Variants in WWTR1 observed in about 807,000 individuals in gnomAD.
WWTR1 encodes the protein WW domain containing transcription regulator 1.
WWTR1 carries 13 observed loss-of-function variants against 40.1 expected under a neutral mutation model. The ratio of observed to expected loss-of-function variants is 0.32; its 90% CI spans 0.21 to 0.52. The LOEUF (loss-of-function observed/expected upper bound fraction) is 0.52. WWTR1 is among the 20% of genes least tolerant of loss of function. WWTR1 has a pLI of 0.97. For synonymous variants in WWTR1, 230 were observed against 210.1 expected (o/e 1.09, Z -0.82); for missense variants, 436 against 523.1 (o/e 0.83, Z 1.63).
At chr3:149,675,685 T>A (rs1714236830) in intron 1 of WWTR1, among the ~76,000 whole-genome samples, 2 of 151,930 alleles carry the variant, frequency 1.3e-5, no homozygotes, top group Admixed American at 6.6e-5. Context: ...AACATGGAAG[T>A]GGAGTGAAGG....
rs1735210111 is a variant in WWTR1, at chr3:149,524,669, CA to C, written c.1018+1343del. ...TTCTCAATGCAAAGATGACAACCTACACGAAAGACGCCAGGGGAGCAGCTTT... is the reference window on the plus strand; with the variant it reads ...TTCTCAATGCAAAGATGACAACCTACCGAAAGACGCCAGGGGAGCAGCTTT... On this transcript the variant is annotated intron_variant, in intron 6 of 6. Coordinates refer to ENST00000360632, the MANE Select transcript of WWTR1 (RefSeq NM_015472.6). Among the ~76,000 whole-genome samples the C allele has an allele frequency of 2.0e-5, 3 of 152,192 alleles. No homozygotes were observed. In the South Asian group the frequency reaches 6.2e-4, roughly 31 times the overall value.
At chr3:149,660,381 G>C (rs1251191239), upstream of WWTR1, 2 of 152,230 alleles carry the variant, frequency 1.3e-5, no homozygotes, top group Admixed American at 6.5e-5. Context: ...GGATGGGCAA[G>C]GATGCAGTCT....
rs187952281 is a variant in WWTR1 at position 149,673,218 on chromosome 3, A to T, written c.-107-3327T>A. On this transcript the variant is annotated intron_variant, in intron 1 of 7. Transcript: ENST00000465804. Reference sequence around the variant, plus strand: ...TAGTGAGACCCTGTCTCTGTTTTTTAAAAAAAATAAAAATTAAAAATCAGT... The same window carrying T: ...TAGTGAGACCCTGTCTCTGTTTTTTTAAAAAAATAAAAATTAAAAATCAGT... Among the ~76,000 whole-genome samples the T allele has an allele frequency of 4.4e-3, 668 of 152,058 alleles. 6 individuals carry two copies. Among genetic ancestry groups the T allele is most frequent in the African/African-American group, 0.015 (616 of 41,482 alleles).
intron 1 of WWTR1, among the ~76,000 whole-genome samples, chr3:149,688,311 C>T (rs1268288692): frequency 1.3e-5 from 2 of 152,044 alleles, no homozygotes; most frequent in African/African-American, 4.8e-5. Flanking sequence ...CAATAATTGA[C>T]ACAGGCCTTG....
chr3:149,676,743 T>C (rs978990713), intron 1 of WWTR1, among the ~76,000 whole-genome samples: 2 of 152,028 alleles, frequency 1.3e-5, no homozygotes, highest in Non-Finnish European at 2.9e-5. Flanking sequence ...CACCACTGAC[T>C]TTTTAAGGGA....
intron 2 of WWTR1, among the ~76,000 whole-genome samples, chr3:149,637,594 A>C (rs1711908679): frequency 6.6e-6 from 1 of 152,172 alleles, no homozygotes; most frequent in South Asian, 2.1e-4. Context: ...CTAGGCATGA[A>C]GGACAATACA....
intron 2 of WWTR1, among the ~76,000 whole-genome samples, chr3:149,655,844 T>C (rs59673549): frequency 0.069 from 10,544 of 152,246 alleles, 398 homozygotes; most frequent in East Asian, 0.12. Context: ...AAATTGTACA[T>C]AGTGTCTTCA....
intron 4 of WWTR1, among the ~76,000 whole-genome samples, chr3:149,718,199 C>A (rs116000812): frequency 1.4e-3 from 206 of 152,252 alleles, no homozygotes; most frequent in African/African-American, 4.9e-3. Context: ...TGTGACCTTA[C>A]GTTCTTTTTT....
chr3:149,532,283 A>C (rs1270689981), intron 4 of WWTR1, among the ~76,000 whole-genome samples: 4 of 152,240 alleles, frequency 2.6e-5, no homozygotes, highest in African/African-American at 7.2e-5. Flanking sequence ...CTCAAAAAAA[A>C]CAAAATAAAC....
intron 5 of WWTR1, among the ~76,000 whole-genome samples, chr3:149,715,863 G>A (rs1257038521): frequency 2.0e-5 from 3 of 152,102 alleles, no homozygotes; most frequent in Non-Finnish European, 2.9e-5. Flanking sequence ...AGAGTGATGG[G>A]GATCTCAGAG....
At chr3:149,528,350 T>C (rs1397234746) in intron 4 of WWTR1, among the ~76,000 whole-genome samples, 1 of 152,236 alleles carries the variant, frequency 6.6e-6, no homozygotes, top group East Asian at 1.9e-4. Context: ...CAGACTCCTC[T>C]GGACTATAAA....
chr3:149,581,744 C>T (rs777281711), intron 2 of WWTR1, among the ~76,000 whole-genome samples: 5 of 152,148 alleles, frequency 3.3e-5, no homozygotes, highest in African/African-American at 4.8e-5. Flanking sequence ...CAAGAAGTTT[C>T]CACTTGTTTA....
chr3:149,645,468 C>T (rs1210406775), intron 2 of WWTR1, among the ~76,000 whole-genome samples: 1 of 152,176 alleles, frequency 6.6e-6, no homozygotes, highest in African/African-American at 2.4e-5. Context: ...CACTGCTCAG[C>T]CCCTACTTTT....
chr3:149,648,025 C>T (rs1712635107), intron 2 of WWTR1, among the ~76,000 whole-genome samples: 1 of 152,184 alleles, frequency 6.6e-6, no homozygotes, highest in Non-Finnish European at 1.5e-5. Context: ...GCCTCTATAC[C>T]TCTCTTCCCA....
chr3:149,688,106 C>T (rs1442858096), intron 1 of WWTR1, among the ~76,000 whole-genome samples: 1 of 151,744 alleles, frequency 6.6e-6, no homozygotes. Flanking sequence ...CCAGCTTAGC[C>T]ACAGTAAAAT....
chr3:149,542,401 C>T lies in WWTR1; in HGVS notation c.705G>A (p.Leu235=), dbSNP rs1736147883. The T allele has an allele frequency of 6.2e-7, 1 of 1,614,150 alleles. No homozygotes were observed. Among genetic ancestry groups the T allele is most frequent in the East Asian group, 2.2e-5 (1 of 44,884 alleles). The change falls in exon 4 of 7, where the codon CTG becomes CTA. Residue 235 remains leucine, a synonymous_variant. Coordinates refer to ENST00000360632, the MANE Select transcript of WWTR1 (RefSeq NM_015472.6). ...TCTCCATCTGGATTCTCTGAAGCCG[C>T]AGTTTCTGCTGCTGCTGCTGCTGAG... ...LTTQQQQQQK[L]RLQRIQMERE...
At chr3:149,645,375 G>A (rs1309266578) in intron 2 of WWTR1, among the ~76,000 whole-genome samples, 1 of 152,028 alleles carries the variant, frequency 6.6e-6, no homozygotes, top group Admixed American at 6.6e-5. Flanking sequence ...CACCACGCCT[G>A]GCCCCAGGCT....
chr3:149,573,077 T>C, intron 2 of WWTR1, 77 bp from the exon 3 acceptor site: 2 of 1,395,150 alleles, frequency 1.4e-6, no homozygotes, highest in South Asian at 2.8e-5. Context: ...AGCATAATAG[T>C]TAATGACACT....
chr3:149,615,712 G>A (rs1051407030), intron 2 of WWTR1, among the ~76,000 whole-genome samples: 2 of 152,034 alleles, frequency 1.3e-5, no homozygotes, highest in African/African-American at 4.8e-5. Context: ...TGGTATTATT[G>A]GTCTCATTTG....
Sources: gnomAD v4.1 joint callset for allele counts (sites outside exome capture counted in the v4.1 genomes callset) on GRCh38, gnomAD v4.1.1 for gene constraint, MANE v1.5 for transcripts, NCBI Gene and HGNC (gene_info 2026-07-23, HGNC 2026-07-21) for gene names.